The following EDA variants were observed in gnomAD, a reference collection of about 807,000 sequenced individuals.
EDA encodes the protein ectodysplasin-A.
Under a neutral mutation model 23.6 loss-of-function variants are expected in EDA, and 2 were observed. That is an observed-to-expected ratio of 0.08 (90% CI 0.03 to 0.27). EDA has a LOEUF of 0.27. EDA is among the 10% of genes least tolerant of loss of function. EDA has a pLI of 1.00. For synonymous variants in EDA, 131 were observed against 132.0 expected (o/e 0.99, Z 0.05); for missense variants, 229 against 324.2 (o/e 0.71, Z 2.26).
intron 1 of EDA, among the ~76,000 whole-genome samples, chrX:69,753,223 A>G (rs2013963920): frequency 8.9e-6 from 1 of 111,745 alleles, no homozygotes; most frequent in Non-Finnish European, 1.9e-5. Context: ...TAGTGCTATG[A>G]ATTTCCCTCT....
chrX:70,029,896 A>G (rs1019330100), intron 5 of EDA, among the ~76,000 whole-genome samples: 1 of 112,156 alleles, frequency 8.9e-6, no homozygotes, highest in Admixed American at 9.4e-5. Flanking sequence ...CTCTCAGACC[A>G]CCTGGGATCC....
At chrX:69,811,120 T>C (rs1232733495) in intron 1 of EDA, among the ~76,000 whole-genome samples, 2 of 111,980 alleles carry the variant, frequency 1.8e-5, no homozygotes, top group African/African-American at 6.5e-5. Flanking sequence ...CTCTGCTTCA[T>C]ATAATCAACT....
intron 1 of EDA, among the ~76,000 whole-genome samples, chrX:69,689,457 T>A (rs1934643067): frequency 9.2e-6 from 1 of 108,972 alleles, no homozygotes; most frequent in Admixed American, 9.9e-5. Flanking sequence ...TGTCTCAGCC[T>A]CCCGAGTAGC....
chrX:69,769,506 C>A (rs968978743), intron 1 of EDA, among the ~76,000 whole-genome samples: 1 of 111,306 alleles, frequency 9.0e-6, no homozygotes, highest in Non-Finnish European at 1.9e-5. Context: ...TAAAGCACTT[C>A]GATTTAATGT....
intron 1 of EDA, among the ~76,000 whole-genome samples, chrX:69,784,036 T>C (rs1450257217): frequency 1.8e-5 from 2 of 108,804 alleles, no homozygotes; most frequent in African/African-American, 6.6e-5. Flanking sequence ...ATTTCTCTGA[T>C]GGCCAGTGAT....
At chrX:69,831,180 C>T (rs989642181) in intron 1 of EDA, among the ~76,000 whole-genome samples, 15 of 111,233 alleles carry the variant, frequency 1.3e-4, no homozygotes, top group Admixed American at 4.8e-4. Flanking sequence ...TCATCATTTA[C>T]GTTAGGTACT....
At chrX:69,623,401 T>A (rs1242894788) in intron 1 of EDA, among the ~76,000 whole-genome samples, 1 of 111,564 alleles carries the variant, frequency 9.0e-6, no homozygotes, top group Admixed American at 9.5e-5. Context: ...TAAATGCACT[T>A]CCTTGGACCT....
At chrX:69,905,975 C>T (rs993512984) in intron 1 of EDA, among the ~76,000 whole-genome samples, 1 of 111,388 alleles carries the variant, frequency 9.0e-6, no homozygotes, top group East Asian at 2.8e-4. Flanking sequence ...TCCTAGTTCC[C>T]GTATTTGCTA....
At chrX:69,625,929 A>T (rs148572698) in intron 1 of EDA, among the ~76,000 whole-genome samples, 1,693 of 110,954 alleles carry the variant, frequency 0.015, 30 homozygotes, top group African/African-American at 0.054. Flanking sequence ...TAAATAACTT[A>T]TATTCAAAGG....
At chrX:69,793,956 G>A (rs777158204) in intron 1 of EDA, among the ~76,000 whole-genome samples, 34 of 111,600 alleles carry the variant, frequency 3.0e-4, no homozygotes, top group South Asian at 1.9e-3. Context: ...TCTTGGTAAT[G>A]GGCTTACTGT....
At chrX:69,636,827 A>G (rs1301373370) in intron 1 of EDA, among the ~76,000 whole-genome samples, 1 of 111,220 alleles carries the variant, frequency 9.0e-6, no homozygotes, top group Admixed American at 9.7e-5. Context: ...AGTGAACAAA[A>G]CAAGATTAAT....
intron 1 of EDA, among the ~76,000 whole-genome samples, chrX:69,838,620 C>T (rs2016830626): frequency 8.9e-6 from 1 of 112,395 alleles, no homozygotes; most frequent in Admixed American, 9.3e-5. Context: ...GAGCGAGACT[C>T]CGTCTCAAAA....
chrX:69,713,918 G>A (rs894066612), intron 1 of EDA, among the ~76,000 whole-genome samples: 10 of 51,000 alleles, frequency 2.0e-4, no homozygotes, highest in African/African-American at 8.6e-4. Context: ...ATAGTTGCAT[G>A]TTTAGTTTTT....
At chrX:69,957,325 C>T in intron 2 of EDA, 193 bp downstream of exon 2, 2 of 404,050 alleles carry the variant, frequency 4.9e-6, no homozygotes, top group East Asian at 8.9e-5. Flanking sequence ...AACCCTGTCT[C>T]TACTAAAAAT....
chrX:69,689,787 C>G (rs1934656808), intron 1 of EDA, among the ~76,000 whole-genome samples: 1 of 111,541 alleles, frequency 9.0e-6, no homozygotes, highest in South Asian at 3.7e-4. Context: ...ATTAAGTCCT[C>G]TAGTCTATAA....
At chrX:69,638,212 G>A (rs1035375681) in intron 1 of EDA, among the ~76,000 whole-genome samples, 1 of 111,263 alleles carries the variant, frequency 9.0e-6, no homozygotes, top group Non-Finnish European at 1.9e-5. Flanking sequence ...CCATAATATT[G>A]ACACTTTGCC....
rs191684574 is a variant in EDA at position 69,681,178 on chromosome X, T to G, written c.396+64474T>G. Among the ~76,000 whole-genome samples the G allele has an allele frequency of 4.6e-3, 516 of 111,882 alleles. 2 individuals carry two copies. The highest frequency in any genetic ancestry group is 9.2e-3 in the Middle Eastern group (2 of 218). On this transcript the variant is annotated intron_variant, in intron 1 of 7. Transcript: ENST00000374552. ...ACTCTCTTCTGGCTTGTAGAGTTTC[T>G]GCGGAGAGATCTGCTGTTAGTCTGA...
chrX:69,899,279 G>T (rs1279200905), intron 1 of EDA, among the ~76,000 whole-genome samples: 1 of 111,666 alleles, frequency 9.0e-6, no homozygotes, highest in Non-Finnish European at 1.9e-5. Context: ...CTCATCAAAT[G>T]GTCCATGTTA....
chrX:69,651,543 CT>C (rs745682990), intron 1 of EDA, among the ~76,000 whole-genome samples: 1 of 110,903 alleles, frequency 9.0e-6, no homozygotes, highest in South Asian at 3.9e-4. Flanking sequence ...GAAATCAAGA[CT>C]TTAGTTTTGA....
Sources: gnomAD v4.1 joint callset for allele counts (sites outside exome capture counted in the v4.1 genomes callset) on GRCh38, gnomAD v4.1.1 for gene constraint, MANE v1.5 for transcripts, NCBI Gene and HGNC (gene_info 2026-07-23, HGNC 2026-07-21) for gene names.